RAP1GDS1: variants seen among roughly 807,000 people sequenced by gnomAD.
RAP1GDS1 encodes RAP1, GTP-GDP dissociation stimulator 1.
In RAP1GDS1, 35 loss-of-function variants were observed where a neutral mutation model predicts 71.1. The ratio of observed to expected loss-of-function variants is 0.49; its 90% CI spans 0.38 to 0.65. The LOEUF (loss-of-function observed/expected upper bound fraction) is 0.65, where lower values mean the gene tolerates loss of function less well. Among genes scored for constraint, RAP1GDS1 ranks in the 30% least tolerant of loss-of-function variants. The pLI is 0.00. For missense variants in RAP1GDS1, 663 were observed against 706.1 expected, an observed-to-expected ratio of 0.94 and a Z score of 0.69; for synonymous variants, 229 against 243.1, an observed-to-expected ratio of 0.94 and a Z score of 0.54.
intron 2 of RAP1GDS1, among the ~76,000 whole-genome samples, chr4:98,306,470 A>G (rs1578376890): frequency 6.6e-6 from 1 of 152,192 alleles, no homozygotes; most frequent in Non-Finnish European, 1.5e-5. Context: ...ACCTCATACT[A>G]CTGTCATATT....
At chr4:98,395,301 T>C (rs1399002858) in intron 6 of RAP1GDS1, among the ~76,000 whole-genome samples, 1 of 152,216 alleles carries the variant, frequency 6.6e-6, no homozygotes, top group Non-Finnish European at 1.5e-5. Context: ...TTAAAAGTCA[T>C]TAGGCAATTA....
intron 1 of RAP1GDS1, among the ~76,000 whole-genome samples, chr4:98,269,820 T>C (rs904244362): frequency 2.0e-5 from 3 of 152,172 alleles, no homozygotes; most frequent in African/African-American, 7.2e-5. Context: ...CTGAATAATT[T>C]CAAAATCTGA....
Position 98,416,804 on chromosome 4 carries a change from C to T in RAP1GDS1, c.823C>T (p.Gln275Ter), listed in dbSNP as rs1463746019. The T allele has an allele frequency of 6.2e-7, 1 of 1,612,712 alleles. No individual in the cohort carries two copies. The highest frequency in any genetic ancestry group is 8.5e-7 in the Non-Finnish European group (1 of 1,179,010). The change falls in exon 8 of 15, where the codon CAG (glutamine) becomes TAG (stop). Residue 275 changes from glutamine (Q) to a stop codon, truncating the protein, a stop_gained. Coordinates refer to ENST00000408927, the MANE Select transcript of RAP1GDS1 (RefSeq NM_001100427.2). LOFTEE classifies it high-confidence loss of function. Reference protein sequence around the residue: ...GLVECLLEIVQQKVDSDKEDD... With the variant: ...GLVECLLEIV ...AGTAGAGTGTCTACTAGAGATTGTT[C>T]AGCAAAAAGTGGATAGTGACAAAGA...
intron 7 of RAP1GDS1, among the ~76,000 whole-genome samples, chr4:98,411,321 A>G (rs1411688715): frequency 6.6e-6 from 1 of 152,232 alleles, no homozygotes; most frequent in African/African-American, 2.4e-5. Flanking sequence ...AAACTTTAAC[A>G]TTGAGACATT....
chr4:98,343,833 A>G (rs1448726483), intron 3 of RAP1GDS1, among the ~76,000 whole-genome samples: 1 of 152,214 alleles, frequency 6.6e-6, no homozygotes, highest in East Asian at 1.9e-4. Context: ...GAATTATATC[A>G]TAGCATAAAT....
intron 6 of RAP1GDS1, among the ~76,000 whole-genome samples, chr4:98,398,573 A>C (rs1744896915): frequency 6.6e-6 from 1 of 152,170 alleles, no homozygotes; most frequent in South Asian, 2.1e-4. Context: ...TTGCCTTCAA[A>C]ATTTTTAGGG....
chr4:98,386,341 C>T (rs1036370563), intron 5 of RAP1GDS1, among the ~76,000 whole-genome samples: 1 of 151,762 alleles, frequency 6.6e-6, no homozygotes, highest in African/African-American at 2.4e-5. Context: ...TTTGCTTTGG[C>T]ATTTTTTTGT....
rs1026588768 is a variant in RAP1GDS1, at chr4:98,436,019, C to T, written c.1568-921C>T. 1.2e-3 allele frequency among the ~76,000 whole-genome samples: 180 copies of T among 150,672 alleles called. 2 individuals are homozygous for T. Among genetic ancestry groups the T allele is most frequent in the Admixed American group, 2.1e-3 (32 of 15,084 alleles). On this transcript the variant is annotated intron_variant, in intron 13 of 14. Transcript: ENST00000408927. ...CCAGGAGGCGGAGCTTGCAGTGAGC[C>T]GAGATCGCGCCACTGCACTCCAGCC... is the stretch of plus-strand genomic sequence containing the variant.
chr4:98,391,519 T>C (rs1323482291), intron 5 of RAP1GDS1, among the ~76,000 whole-genome samples: 4 of 152,180 alleles, frequency 2.6e-5, no homozygotes, highest in Non-Finnish European at 5.9e-5. Context: ...GATTCTAAGA[T>C]TTTTTTCTTT....
At chr4:98,280,503 A>C (rs1453212293) in intron 1 of RAP1GDS1, among the ~76,000 whole-genome samples, 1 of 151,914 alleles carries the variant, frequency 6.6e-6, no homozygotes, top group South Asian at 2.1e-4. Flanking sequence ...TAGATTCTGG[A>C]TATTAGCCCT....
At chr4:98,436,238 T>C (rs1403458017) in intron 13 of RAP1GDS1, among the ~76,000 whole-genome samples, 2 of 152,152 alleles carry the variant, frequency 1.3e-5, no homozygotes, top group Non-Finnish European at 2.9e-5. Flanking sequence ...CAGTTGAGCA[T>C]ATATGTGTGA....
At chr4:98,348,204 G>C (rs1736594588) in intron 3 of RAP1GDS1, among the ~76,000 whole-genome samples, 1 of 152,022 alleles carries the variant, frequency 6.6e-6, no homozygotes, top group South Asian at 2.1e-4. Context: ...CTGTGAGTGA[G>C]AACATGTGGT....
At chr4:98,434,628 T>C (rs1750901980) in intron 13 of RAP1GDS1, among the ~76,000 whole-genome samples, 1 of 151,998 alleles carries the variant, frequency 6.6e-6, no homozygotes, top group African/African-American at 2.4e-5. Flanking sequence ...GCTTTTTTTT[T>C]TTTTTTTTTG....
At chr4:98,417,534 C>G in intron 9 of RAP1GDS1, 36 bp downstream of exon 9, 1 of 1,594,792 alleles carries the variant, frequency 6.3e-7, no homozygotes, top group Non-Finnish European at 8.6e-7. Context: ...TAGTCAAATA[C>G]TCTATATTTG....
intron 13 of RAP1GDS1, among the ~76,000 whole-genome samples, chr4:98,434,286 A>T (rs1340229485): frequency 6.6e-6 from 1 of 152,194 alleles, no homozygotes; most frequent in East Asian, 1.9e-4. Flanking sequence ...AGGTAAGTTT[A>T]ACTTTTAAAT....
chr4:98,392,218 C>CAATA, intron 6 of RAP1GDS1, 138 bp downstream of exon 6: 1 of 834,242 alleles, frequency 1.2e-6, no homozygotes, highest in Non-Finnish European at 1.7e-6. Context: ...ATATTTCCAT[C>CAATA]AATATTTTAA....
chr4:98,348,485 A>G (rs1300200187), intron 3 of RAP1GDS1, among the ~76,000 whole-genome samples: 3 of 152,170 alleles, frequency 2.0e-5, no homozygotes, highest in Non-Finnish European at 2.9e-5. Flanking sequence ...TATACCCAGT[A>G]ATGGGATTGC....
At chr4:98,337,917 T>G (rs1358549076) in intron 2 of RAP1GDS1, among the ~76,000 whole-genome samples, 1 of 152,130 alleles carries the variant, frequency 6.6e-6, no homozygotes, top group Non-Finnish European at 1.5e-5. Flanking sequence ...AATGAAAAGA[T>G]GTGGAGGATT....
Position 98,416,863 on chromosome 4 carries a change from T to G in RAP1GDS1, c.882T>G (p.Asp294Glu). ...DDITELKTGS[D>E]LMVLLLLGDE... ...TTACTGAGCTCAAAACTGGTTCAGATCTCATGGTTTTATTACTTCTTGGAG... is the reference window on the plus strand; with the variant it reads ...TTACTGAGCTCAAAACTGGTTCAGAGCTCATGGTTTTATTACTTCTTGGAG... Residue 294 changes from aspartate to glutamate, a missense_variant, in exon 8 of 15, where the codon GAT (aspartate) becomes GAG (glutamate). Asp to Glu is a conservative substitution (Grantham distance 45). Coordinates refer to ENST00000408927, the MANE Select transcript of RAP1GDS1 (RefSeq NM_001100427.2). 1 of 1,613,694 alleles carries G rather than the reference T, an allele frequency of 6.2e-7. No individual in the cohort carries two copies. The highest frequency in any genetic ancestry group is 8.5e-7 in the Non-Finnish European group (1 of 1,179,886).
Sources: allele counts gnomAD v4.1 joint callset (sites outside exome capture counted in the v4.1 genomes callset), GRCh38; gene constraint gnomAD v4.1.1; transcripts MANE v1.5; gene names NCBI Gene and HGNC (gene_info 2026-07-23, HGNC 2026-07-21).